PTPRK: variants seen among roughly 807,000 people sequenced by gnomAD.
PTPRK encodes the protein receptor-type tyrosine-protein phosphatase kappa.
In PTPRK, 75 loss-of-function variants were observed where a neutral mutation model predicts 178.0. The ratio of observed to expected loss-of-function variants is 0.42; its 90% confidence interval spans 0.35 to 0.51. PTPRK has a LOEUF of 0.51. Ranked by LOEUF, PTPRK falls within the 20% of genes least tolerant of loss-of-function variation. The pLI is 0.02. For missense variants in PTPRK, 1,441 were observed against 1,797.8 expected (o/e 0.80, Z 3.59); for synonymous variants, 637 against 620.6 (o/e 1.03, Z -0.39).
intron 1 of PTPRK, among the ~76,000 whole-genome samples, chr6:128,507,519 A>T (rs1856550889): frequency 6.6e-6 from 1 of 152,114 alleles, no homozygotes; most frequent in African/African-American, 2.4e-5. Context: ...GTGCCAGGGC[A>T]ATTAGGTGAT....
intron 13 of PTPRK, among the ~76,000 whole-genome samples, chr6:128,047,964 A>G (rs1215749821): frequency 1.3e-5 from 2 of 152,152 alleles, no homozygotes; most frequent in African/African-American, 4.8e-5. Context: ...AACTTTCTGA[A>G]CACCATATCC....
intron 1 of PTPRK, chr6:128,491,590 G>T: frequency 3.0e-6 from 1 of 334,988 alleles, no homozygotes; most frequent in South Asian, 2.4e-5. Context: ...ATTTTTACCT[G>T]CAGTCAATTC....
chr6:128,022,938 T>G (rs2114767802), intron 13 of PTPRK, among the ~76,000 whole-genome samples: 1 of 152,360 alleles, frequency 6.6e-6, no homozygotes, highest in South Asian at 2.1e-4. Flanking sequence ...CTGCCTCATC[T>G]CAGCTACTTG....
intron 6 of PTPRK, among the ~76,000 whole-genome samples, chr6:128,196,861 C>A (rs1401096650): frequency 6.6e-6 from 1 of 152,124 alleles, no homozygotes; most frequent in African/African-American, 2.4e-5. Context: ...CTTTTCCACG[C>A]TCAGCCAGGT....
chr6:128,092,406 C>T (rs866655231), intron 7 of PTPRK, among the ~76,000 whole-genome samples: 11 of 152,018 alleles, frequency 7.2e-5, no homozygotes, highest in South Asian at 2.1e-4. Flanking sequence ...TTTTGAGCTG[C>T]GTGGAATTAA....
intron 5 of PTPRK, among the ~76,000 whole-genome samples, chr6:128,232,913 C>T (rs989883546): frequency 6.6e-6 from 1 of 152,192 alleles, no homozygotes; most frequent in Non-Finnish European, 1.5e-5. Flanking sequence ...TTTCTTTATG[C>T]ATGTTACCTA....
chr6:128,471,279 G>A (rs1850615910), intron 1 of PTPRK, among the ~76,000 whole-genome samples: 1 of 151,904 alleles, frequency 6.6e-6, no homozygotes, highest in Non-Finnish European at 1.5e-5. Flanking sequence ...TATAAGTACT[G>A]TGAGATTCTT....
At chr6:128,453,565 T>C (rs1004605050) in intron 1 of PTPRK, among the ~76,000 whole-genome samples, 10 of 152,178 alleles carry the variant, frequency 6.6e-5, no homozygotes, top group South Asian at 2.1e-4. Flanking sequence ...TCATTTACCT[T>C]AGTTTGTAAG....
intron 7 of PTPRK, among the ~76,000 whole-genome samples, chr6:128,171,412 T>C (rs571268919): frequency 6.6e-6 from 1 of 151,956 alleles, no homozygotes; most frequent in Non-Finnish European, 1.5e-5. Context: ...TAATGGAAAA[T>C]GTCTAACTCT....
chr6:128,310,166 T>C (rs1409309241), intron 3 of PTPRK, among the ~76,000 whole-genome samples: 1 of 152,206 alleles, frequency 6.6e-6, no homozygotes, highest in African/African-American at 2.4e-5. Context: ...TGTGCCTTCT[T>C]TCTCTCTGAT....
chr6:128,205,689 C>T (rs994047631), intron 6 of PTPRK, among the ~76,000 whole-genome samples: 7 of 145,236 alleles, frequency 4.8e-5, no homozygotes, highest in Middle Eastern at 3.8e-3. Context: ...GAGAGTTGCT[C>T]GAACCTGGGA....
chr6:128,259,982 T>A (rs1196604350), intron 3 of PTPRK, among the ~76,000 whole-genome samples: 1 of 152,124 alleles, frequency 6.6e-6, no homozygotes, highest in Non-Finnish European at 1.5e-5. Context: ...ATAGACCCAA[T>A]TAACAGTAGT....
chr6:128,286,723 C>A (rs1468868688), intron 3 of PTPRK, among the ~76,000 whole-genome samples: 1 of 152,034 alleles, frequency 6.6e-6, no homozygotes, highest in Non-Finnish European at 1.5e-5. Flanking sequence ...TTGTTGTATT[C>A]CTTTAAAGAA....
intron 18 of PTPRK, among the ~76,000 whole-genome samples, chr6:127,993,552 G>A (rs1776832320): frequency 6.6e-6 from 1 of 151,590 alleles, no homozygotes; most frequent in Admixed American, 6.6e-5. Flanking sequence ...ACATACTGGT[G>A]TGGGCAACTC....
At chr6:128,020,709 C>T (rs769465547) in intron 13 of PTPRK, among the ~76,000 whole-genome samples, 8 of 152,082 alleles carry the variant, frequency 5.3e-5, no homozygotes, top group Non-Finnish European at 1.2e-4. Context: ...ATTATAAGAA[C>T]GTGATGTGAT....
At chr6:128,438,028 G>A (rs565296092) in intron 1 of PTPRK, among the ~76,000 whole-genome samples, 3 of 152,238 alleles carry the variant, frequency 2.0e-5, no homozygotes, top group Non-Finnish European at 4.4e-5. Context: ...CCCCATATAC[G>A]GGTTTCCCAT....
intron 14 of PTPRK, chr6:128,008,186 A>G (rs1262895490): frequency 8.7e-6 from 5 of 572,704 alleles, no homozygotes; most frequent in Non-Finnish European, 1.4e-5. Flanking sequence ...TTAATGCTTT[A>G]TTTCAAGTAT....
At chr6:128,242,902 A>G (rs1478340994) in intron 3 of PTPRK, among the ~76,000 whole-genome samples, 1 of 152,224 alleles carries the variant, frequency 6.6e-6, no homozygotes, top group Admixed American at 6.5e-5. Flanking sequence ...AAATCTCTTT[A>G]AAGGTAAACT....
intron 7 of PTPRK, among the ~76,000 whole-genome samples, chr6:128,181,897 A>C (rs1049823327): frequency 6.6e-6 from 1 of 152,156 alleles, no homozygotes; most frequent in Non-Finnish European, 1.5e-5. Context: ...AATTAATACA[A>C]TATATACTTC....
Sources: allele counts gnomAD v4.1 joint callset (sites outside exome capture counted in the v4.1 genomes callset), GRCh38; gene constraint gnomAD v4.1.1; transcripts MANE v1.5; gene names NCBI Gene and HGNC (gene_info 2026-07-23, HGNC 2026-07-21).